The following ABCA13 variants were observed in gnomAD, a reference collection of about 807,000 sequenced individuals.
ABCA13 encodes the protein ATP-binding cassette sub-family A member 13.
Under a neutral mutation model 478.7 loss-of-function variants are expected in ABCA13, and 476 were observed. That is an observed-to-expected ratio of 0.99 (90% CI 0.92 to 1.07). The LOEUF (loss-of-function observed/expected upper bound fraction) is 1.07, where lower values mean the gene tolerates loss of function less well. Among genes scored for constraint, ABCA13 ranks in the 50% least tolerant of loss-of-function variants. ABCA13 has a pLI of 0.00. For missense variants in ABCA13, 6,060 were observed against 5,910.6 expected, an observed-to-expected ratio of 1.03 and a Z score of -0.83; for synonymous variants, 2,252 against 2,158.9, an observed-to-expected ratio of 1.04 and a Z score of -1.20.
rs1034964332 is a variant in ABCA13, at chr7:48,241,055, A to G, written c.1251A>G (p.Thr417=). ...CAGATGGCCCAAAAGATAATCATAC[A>G]TTTCCAAAGATGTAAGTCGCATTTC... is the stretch of plus-strand genomic sequence containing the variant. ...LSADGPKDNH[T]FPKILQHLWK... is the part of the protein sequence containing the mutation. Residue 417 remains threonine, a synonymous_variant, in exon 10 of 62, where the codon ACA becomes ACG. Coordinates refer to ENST00000435803, the MANE Select transcript of ABCA13 (RefSeq NM_152701.5). 6 of 1,613,896 alleles carry G rather than the reference A, an allele frequency of 3.7e-6. No individual in the cohort carries two copies. The Admixed American group carries it at 5.0e-5, about 13-fold the overall frequency.
At chr7:48,644,268 C>T (rs1795293517) in intron 60 of ABCA13, among the ~76,000 whole-genome samples, 1 of 152,108 alleles carries the variant, frequency 6.6e-6, no homozygotes, top group African/African-American at 2.4e-5. Flanking sequence ...AGCCCAAGTC[C>T]CAGTGTAAAA....
chr7:48,313,150 C>T lies in ABCA13; in HGVS notation c.9600C>T (p.Ala3200=). Residue 3200 remains alanine, a synonymous_variant, in exon 25 of 62, where the codon GCC becomes GCT. Transcript: ENST00000435803. ...VSSLSALLAK[A]QHVFEYLPEF... is the part of the protein sequence containing the mutation. ...GCCTCAGCGCCTTGCTTGCCAAAGCCCAGCACGTCTTTGAGTATCTTCCTG... is the reference window on the plus strand; with the variant it reads ...GCCTCAGCGCCTTGCTTGCCAAAGCTCAGCACGTCTTTGAGTATCTTCCTG... The T allele has an allele frequency of 6.2e-7, 1 of 1,613,150 alleles. No individual in the cohort carries two copies. The highest frequency in any genetic ancestry group is 8.5e-7 in the Non-Finnish European group (1 of 1,179,478).
chr7:48,543,044 T>C (rs1481315108), intron 55 of ABCA13, among the ~76,000 whole-genome samples: 1 of 151,752 alleles, frequency 6.6e-6, no homozygotes, highest in Non-Finnish European at 1.5e-5. Context: ...GGAAAAGAAG[T>C]TGCAAAATTT....
chr7:48,612,918 A>G (rs1213019990), intron 58 of ABCA13, among the ~76,000 whole-genome samples: 1 of 152,030 alleles, frequency 6.6e-6, no homozygotes, highest in African/African-American at 2.4e-5. Context: ...GATTGGAAAT[A>G]AAAACCCCTC....
intron 42 of ABCA13, among the ~76,000 whole-genome samples, chr7:48,433,752 A>G (rs1478131320): frequency 1.3e-5 from 2 of 152,154 alleles, no homozygotes; most frequent in East Asian, 1.9e-4. Context: ...ACTACCTCAT[A>G]TAAATGGTAT....
At position 48,271,975 on chromosome 7, in the gene ABCA13, T is replaced by C. The variant is rs746750310; in HGVS notation, c.2309T>C (p.Ile770Thr). ...TCTCTCACAGAGGATATTCTGAATA[T>C]AAGTTCTCTGTGGACAAATCATTTA... ...LPSLTEDILN[I>T]SSLWTNHLKS... The change falls in exon 17 of 62, where the codon ATA becomes ACA. Residue 770 changes from isoleucine (I) to threonine (T), a missense_variant. Around this residue, in one of 3 missense-constraint regions of ABCA13, gnomAD observed 4,423 missense variants for 4,309.1 expected, o/e 1.03. Coordinates refer to ENST00000435803, the MANE Select transcript of ABCA13 (RefSeq NM_152701.5). The C allele has an allele frequency of 6.2e-5, 100 of 1,613,516 alleles. No individual in the cohort carries two copies. Among genetic ancestry groups the C allele is most frequent in the Non-Finnish European group, 5.7e-5 (67 of 1,179,698 alleles).
rs539290922 is a variant in ABCA13 at position 48,319,159 on chromosome 7, A to G, written c.9999+1863A>G. 3.9e-5 allele frequency among the ~76,000 whole-genome samples: 6 copies of G among 152,274 alleles called. No individual in the cohort carries two copies. The South Asian group carries it at 1.0e-3, about 26-fold the overall frequency. On this transcript the variant is annotated intron_variant, in intron 27 of 61. Coordinates refer to ENST00000435803, the MANE Select transcript of ABCA13 (RefSeq NM_152701.5). ...GGAGACGGGAGGATTGTGGGCCTGG[A>G]CAGAGGTGTGGGGAGGTGCCAAGCC... is the stretch of plus-strand genomic sequence containing the variant.
intron 1 of ABCA13, among the ~76,000 whole-genome samples, chr7:48,176,580 A>G (rs1022339290): frequency 1.3e-5 from 2 of 152,206 alleles, no homozygotes; most frequent in African/African-American, 4.8e-5. Context: ...GTGTTATGCC[A>G]GGGCTCATCC....
chr7:48,487,982 T>G (rs930501914), intron 47 of ABCA13, among the ~76,000 whole-genome samples: 2 of 152,210 alleles, frequency 1.3e-5, no homozygotes, highest in Admixed American at 1.3e-4. Flanking sequence ...TTTTTTTGTT[T>G]GTTTGTTTTG....
chr7:48,615,238 C>T, intron 58 of ABCA13, 47 bp from the exon 59 acceptor site: 1 of 1,241,526 alleles, frequency 8.1e-7, no homozygotes, highest in South Asian at 2.1e-5. Context: ...CTCAACCCTC[C>T]CCTCTTCAGG....
Position 48,244,703 on chromosome 7 carries a change from G to C in ABCA13, c.1390G>C (p.Glu464Gln). The change falls in exon 11 of 62, where the codon GAA becomes CAA. Residue 464 changes from glutamate to glutamine, a missense_variant and splice_region_variant. Glu to Gln is a conservative substitution (Grantham distance 29). Coordinates refer to ENST00000435803, the MANE Select transcript of ABCA13 (RefSeq NM_152701.5). The part of the protein sequence containing the change: ...AIAQNLHFVQ[E>Q]VLICLETSAN... ...AGCTCAGAATTTACATTTTGTCCAA[G>C]GTAAGCTAGCTTTGGTGTTATTTGT... The C allele has an allele frequency of 6.3e-7, 1 of 1,589,034 alleles. No individual in the cohort carries two copies. The highest frequency in any genetic ancestry group is 1.1e-5 in the South Asian group (1 of 88,198).
intron 55 of ABCA13, among the ~76,000 whole-genome samples, chr7:48,579,806 G>T (rs529198669): frequency 6.6e-6 from 1 of 152,220 alleles, no homozygotes; most frequent in African/African-American, 2.4e-5. Flanking sequence ...GTGGACTAGG[G>T]TTGTCTCATT....
chr7:48,421,221 A>G lies in ABCA13; in HGVS notation c.12460-6545A>G, dbSNP rs73325737. Among the ~76,000 whole-genome samples the G allele has an allele frequency of 8.5e-3, 1,280 of 149,762 alleles. 29 individuals are homozygous for G. Among genetic ancestry groups the G allele is most frequent in the African/African-American group, 0.03 (1,228 of 40,588 alleles). On this transcript the variant is annotated intron_variant, in intron 41 of 61. Coordinates refer to ENST00000435803, the MANE Select transcript of ABCA13 (RefSeq NM_152701.5). The stretch of plus-strand genomic sequence containing the variant: ...TCTCTCTTTTTTTTTTTGAGGATAT[A>G]TTTTGAGAATCTGTAAATTCCACTT...
intron 50 of ABCA13, among the ~76,000 whole-genome samples, chr7:48,509,696 A>G (rs2130890535): frequency 6.6e-6 from 1 of 152,200 alleles, no homozygotes; most frequent in South Asian, 2.1e-4. Context: ...AATATTTTTG[A>G]GGATCTGTTG....
intron 41 of ABCA13, among the ~76,000 whole-genome samples, chr7:48,421,201 CT>C (rs774241715): frequency 6.0e-4 from 32 of 53,256 alleles, no homozygotes; most frequent in East Asian, 3.4e-3. Context: ...TTTTCTCTCT[CT>C]TTTTTTTTTT....
chr7:48,476,413 A>G (rs973912280), intron 45 of ABCA13, among the ~76,000 whole-genome samples: 2 of 152,092 alleles, frequency 1.3e-5, no homozygotes, highest in African/African-American at 2.4e-5. Context: ...ACTTTTTTAT[A>G]TGTGCCAGCA....
At chr7:48,309,912 G>C in intron 23 of ABCA13, 35 bp from the exon 24 acceptor site, 4 of 1,611,372 alleles carry the variant, frequency 2.5e-6, no homozygotes, top group Non-Finnish European at 3.4e-6. Flanking sequence ...GACGTCATAG[G>C]TATACTCACC....
intron 42 of ABCA13, among the ~76,000 whole-genome samples, chr7:48,443,534 T>C (rs769697917): frequency 2.0e-5 from 3 of 152,186 alleles, no homozygotes; most frequent in African/African-American, 4.8e-5. Flanking sequence ...ATTTAGTACA[T>C]GCTTCTCTCA....
chr7:48,515,714 C>T (rs1176465168), intron 51 of ABCA13, among the ~76,000 whole-genome samples: 1 of 152,168 alleles, frequency 6.6e-6, no homozygotes, highest in East Asian at 1.9e-4. Flanking sequence ...TTAGGGCACA[C>T]TGAGGAGTTA....
Sources: gnomAD v4.1 joint callset for allele counts (sites outside exome capture counted in the v4.1 genomes callset) on GRCh38, gnomAD v4.1.1 for gene constraint, gnomAD v4.1.1 regional missense constraint, MANE v1.5 for transcripts, NCBI Gene and HGNC (gene_info 2026-07-23, HGNC 2026-07-21) for gene names.